Variants in RERG observed in about 807,000 individuals in gnomAD.
The protein encoded by RERG is RAS like estrogen regulated growth inhibitor.
Under a neutral mutation model 23.2 loss-of-function variants are expected in RERG, and 25 were observed. The observed-to-expected ratio is 1.08, with a 90% CI of 0.79 to 1.50. The LOEUF (loss-of-function observed/expected upper bound fraction) is 1.50. Ranked by LOEUF, RERG falls within the 40% of genes most tolerant of loss-of-function variation. The probability of loss-of-function intolerance (pLI) is 0.00; values close to 1 mark genes in which losing one functional copy is unlikely to be tolerated. For synonymous variants in RERG, 81 were observed against 89.1 expected (o/e 0.91, Z 0.51); for missense variants, 253 against 250.1 (o/e 1.01, Z -0.08).
intron 3 of RERG, among the ~76,000 whole-genome samples, chr12:15,117,967 A>G (rs1863760479): frequency 6.6e-6 from 1 of 152,166 alleles, no homozygotes; most frequent in African/African-American, 2.4e-5. Context: ...TGTGCTGGCC[A>G]CCCACAAAGA....
chr12:15,132,611 C>T (rs1185963349), intron 2 of RERG, among the ~76,000 whole-genome samples: 3 of 152,114 alleles, frequency 2.0e-5, no homozygotes, highest in Non-Finnish European at 4.4e-5. Flanking sequence ...TAAGAAACTG[C>T]CAAACTGTTT....
intron 2 of RERG, among the ~76,000 whole-genome samples, chr12:15,200,407 C>A (rs948002032): frequency 1.6e-4 from 24 of 152,002 alleles, no homozygotes; most frequent in Admixed American, 1.2e-3. Context: ...TAATCAGTTA[C>A]AGAATGAAAA....
At chr12:15,207,308 G>A (rs1283492516) in intron 2 of RERG, among the ~76,000 whole-genome samples, 1 of 151,976 alleles carries the variant, frequency 6.6e-6, no homozygotes, top group African/African-American at 2.4e-5. Flanking sequence ...CGATGCACCA[G>A]GAGAATTGAT....
chr12:15,177,106 CA>C (rs1864860874), intron 2 of RERG, among the ~76,000 whole-genome samples: 1 of 152,192 alleles, frequency 6.6e-6, no homozygotes, highest in African/African-American at 2.4e-5. Flanking sequence ...TGTCAACATT[CA>C]AATAAATTTA....
At chr12:15,203,839 T>G (rs1280743366) in intron 2 of RERG, among the ~76,000 whole-genome samples, 1 of 151,402 alleles carries the variant, frequency 6.6e-6, no homozygotes, top group East Asian at 1.9e-4. Flanking sequence ...AATAAAAAAC[T>G]TGGGGAAAAC....
At chr12:15,163,664 G>A (rs1231196301) in intron 2 of RERG, among the ~76,000 whole-genome samples, 1 of 152,182 alleles carries the variant, frequency 6.6e-6, no homozygotes, top group Non-Finnish European at 1.5e-5. Flanking sequence ...AAGCCATTAG[G>A]AGATGGAAGG....
rs907522097 is a variant in RERG, at chr12:15,108,182, G to C, written c.*928C>G. The C allele has an allele frequency of 6.6e-6, 1 of 152,172 alleles. No individual in the cohort carries two copies. The highest frequency in any genetic ancestry group is 1.5e-5 in the Non-Finnish European group (1 of 68,002). 9.4% of individuals were successfully genotyped at this position (152,172 alleles called of 1,614,324 possible). A position where few individuals can be genotyped will look rare whatever the true frequency, so the allele number is the denominator to read the frequency against. On this transcript the variant is annotated 3_prime_UTR_variant, in exon 5 of 5. Coordinates refer to ENST00000256953, the MANE Select transcript of RERG (RefSeq NM_032918.3). ...ATGTGGCAAACTTAATGAATCAGAG[G>C]CTAATTTTTCTTACTGTACCTGGCT... is the stretch of plus-strand genomic sequence containing the variant.
intron 2 of RERG, among the ~76,000 whole-genome samples, chr12:15,141,675 C>A (rs894228602): frequency 2.6e-5 from 4 of 152,130 alleles, no homozygotes; most frequent in East Asian, 1.9e-4. Flanking sequence ...TCCCTGGGAA[C>A]TTTAATATTC....
At chr12:15,213,281 T>A (rs1197401801) in intron 2 of RERG, among the ~76,000 whole-genome samples, 2 of 152,214 alleles carry the variant, frequency 1.3e-5, no homozygotes, top group Non-Finnish European at 2.9e-5. Flanking sequence ...AGCATTTAAA[T>A]AAAAATGTGT....
At chr12:15,130,562 G>GA (rs548174806) in intron 2 of RERG, among the ~76,000 whole-genome samples, 64 of 144,526 alleles carry the variant, frequency 4.4e-4, no homozygotes, top group East Asian at 8.0e-4. Context: ...AATTGACATT[G>GA]AAAAAAAAAA....
intron 2 of RERG, among the ~76,000 whole-genome samples, chr12:15,185,461 C>A (rs1864977327): frequency 6.6e-6 from 1 of 152,060 alleles, no homozygotes; most frequent in Non-Finnish European, 1.5e-5. Context: ...ATCCCTCACT[C>A]CCCTGGATCT....
intron 2 of RERG, among the ~76,000 whole-genome samples, chr12:15,193,318 T>C (rs556970634): frequency 6.6e-6 from 1 of 152,182 alleles, no homozygotes; most frequent in Non-Finnish European, 1.5e-5. Flanking sequence ...TACGCTGTTA[T>C]TTATTTTGCT....
chr12:15,184,003 T>C (rs1022232433), intron 2 of RERG, among the ~76,000 whole-genome samples: 4 of 152,210 alleles, frequency 2.6e-5, no homozygotes, highest in Non-Finnish European at 5.9e-5. Flanking sequence ...AAACGTGTGA[T>C]GCGAATTTAT....
chr12:15,132,660 C>T (rs1477860512), intron 2 of RERG, among the ~76,000 whole-genome samples: 2 of 152,114 alleles, frequency 1.3e-5, no homozygotes, highest in African/African-American at 4.8e-5. Context: ...CCATCAGTAA[C>T]GTGTGAGAGC....
intron 2 of RERG, among the ~76,000 whole-genome samples, chr12:15,158,645 A>C (rs1864558458): frequency 6.6e-6 from 1 of 152,116 alleles, no homozygotes; most frequent in Non-Finnish European, 1.5e-5. Flanking sequence ...AATTTTGAAG[A>C]GTACACAGTT....
Position 15,111,468 on chromosome 12 carries a change from T to C in RERG, c.119-51A>G, listed in dbSNP as rs542458325. 4.5e-5 allele frequency: 65 copies of C among 1,429,970 alleles called. No individual in the cohort carries two copies. In the South Asian group the frequency reaches 7.2e-4, roughly 16 times the overall value. The allele number at this position is 1,429,970 out of a possible 1,614,324, so 88.6% of individuals were successfully genotyped here. On this transcript the variant is annotated intron_variant, in intron 3 of 4. Transcript: ENST00000256953. ...ACAAAAAGATAAATAAATGCAAGAT[T>C]TAATTTGATCCTTAAAACTGAAAAT...
In RERG at chr12:15,209,281, A is replaced by G. The variant is rs528355650; in HGVS notation, c.61+8148T>C. Among the ~76,000 whole-genome samples the G allele has an allele frequency of 7.5e-4, 114 of 152,356 alleles. 1 individual carries two copies. The highest frequency in any genetic ancestry group is 3.4e-3 in the Middle Eastern group (1 of 294). ...TTTTTCAAAGTACCTTCAGTGCCATAATTTCATTTTGTCCTACCTGCATTC... is the reference window on the plus strand; with the variant it reads ...TTTTTCAAAGTACCTTCAGTGCCATGATTTCATTTTGTCCTACCTGCATTC... On this transcript the variant is annotated intron_variant, in intron 2 of 4. Transcript: ENST00000256953.
intron 2 of RERG, among the ~76,000 whole-genome samples, chr12:15,185,556 C>A (rs979751441): frequency 6.6e-6 from 1 of 152,098 alleles, no homozygotes; most frequent in African/African-American, 2.4e-5. Flanking sequence ...GTAATTGCGT[C>A]ATTTTTTAGC....
chr12:15,215,985 C>T (rs1391864375), intron 2 of RERG, among the ~76,000 whole-genome samples: 1 of 152,208 alleles, frequency 6.6e-6, no homozygotes, highest in Non-Finnish European at 1.5e-5. Context: ...AAAAAATCTC[C>T]TTCCCTTATT....
Sources: gnomAD v4.1 joint callset for allele counts (sites outside exome capture counted in the v4.1 genomes callset) on GRCh38, gnomAD v4.1.1 for gene constraint, MANE v1.5 for transcripts, NCBI Gene and HGNC (gene_info 2026-07-23, HGNC 2026-07-21) for gene names.